Variants in SPRY3 observed in about 807,000 individuals in gnomAD.
The protein encoded by SPRY3 is sprouty RTK signaling antagonist 3.
In SPRY3, 15 loss-of-function variants were observed where a neutral mutation model predicts 20.2. The observed-to-expected ratio is 0.74, with a 90% CI of 0.50 to 1.14. The LOEUF is 1.14. Among genes scored for constraint, SPRY3 ranks in the 50% most tolerant of loss-of-function variants. The probability of loss-of-function intolerance (pLI) is 0.00; values close to 1 mark genes in which losing one functional copy is unlikely to be tolerated. For synonymous variants in SPRY3, 143 were observed against 136.5 expected, an observed-to-expected ratio of 1.05 and a Z score of -0.33; for missense variants, 364 against 363.9, an observed-to-expected ratio of 1.00 and a Z score of 0.00.
At chrX:155,718,381 G>A (rs1284411971) in intron 2 of SPRY3, among the ~76,000 whole-genome samples, 9 of 151,994 alleles carry the variant, frequency 5.9e-5, no homozygotes, top group Admixed American at 6.6e-5. Flanking sequence ...TAATTTTTGT[G>A]TTAATTATAA....
intron 2 of SPRY3, 63 bp from the exon 2 acceptor site, chrX:155,767,899 C>T (rs971439413): frequency 2.6e-5 from 4 of 151,174 alleles, no homozygotes; most frequent in Admixed American, 6.6e-5. Flanking sequence ...GCCCCCTCCC[C>T]CGTTTTTTTG....
At chrX:155,659,153 T>TTCTTTCTTTCTC (rs2068002217) in intron 2 of SPRY3, among the ~76,000 whole-genome samples, 2 of 106,360 alleles carry the variant, frequency 1.9e-5, no homozygotes, top group African/African-American at 7.0e-5. Context: ...CTTTCTTTCT[T>TTCTTTCTTTCTC]TCTTTTTTTG....
intron 2 of SPRY3, chrX:155,767,669 AG>A (rs2091342857): frequency 2.5e-5 from 3 of 122,068 alleles, no homozygotes; most frequent in South Asian, 3.0e-4. Flanking sequence ...GAGGAGGAGA[AG>A]GGGGAGGAGA....
intron 2 of SPRY3, among the ~76,000 whole-genome samples, chrX:155,746,966 C>T (rs2091230287): frequency 6.6e-6 from 1 of 151,814 alleles, no homozygotes; most frequent in South Asian, 2.1e-4. Context: ...TTATTGTCTC[C>T]TCTTGGCTCC....
intron 3 of SPRY3, among the ~76,000 whole-genome samples, chrX:155,773,129 C>G (rs923888277): frequency 5.9e-5 from 9 of 151,468 alleles, no homozygotes; most frequent in Non-Finnish European, 8.8e-5. Flanking sequence ...TCTTGGGAAG[C>G]CTTTTTTTTT....
intron 2 of SPRY3, among the ~76,000 whole-genome samples, chrX:155,735,567 T>A (rs774797070): frequency 6.7e-4 from 102 of 152,166 alleles, no homozygotes; most frequent in African/African-American, 2.2e-3. Context: ...TAATGGCCAT[T>A]TTTATCCCTG....
intron 2 of SPRY3, among the ~76,000 whole-genome samples, chrX:155,680,145 GGTGTGTGTGTGTGTGT>G (rs774435204): frequency 4.5e-4 from 32 of 70,406 alleles, no homozygotes; most frequent in Middle Eastern, 8.1e-3. Context: ...AAGCAATGCT[GGTGTGTGTGTGTGTGT>G]GTGTGTGTGT....
intron 2 of SPRY3, among the ~76,000 whole-genome samples, chrX:155,730,030 A>C (rs2091123105): frequency 6.6e-6 from 1 of 152,134 alleles, no homozygotes; most frequent in African/African-American, 2.4e-5. Flanking sequence ...TGAACAGACC[A>C]GTAGCAAGTA....
chrX:155,735,458 G>A (rs1321037121), intron 2 of SPRY3, among the ~76,000 whole-genome samples: 1 of 151,964 alleles, frequency 6.6e-6, no homozygotes, highest in African/African-American at 2.4e-5. Flanking sequence ...ATTTCTTGCA[G>A]TTCTATCAGT....
intron 2 of SPRY3, among the ~76,000 whole-genome samples, chrX:155,723,484 G>C (rs779592026): frequency 6.6e-6 from 1 of 151,988 alleles, no homozygotes; most frequent in African/African-American, 2.4e-5. Context: ...TCTAACTGGC[G>C]TGAGATGGTA....
chrX:155,620,681 G>A (rs1484108323), intron 1 of SPRY3, among the ~76,000 whole-genome samples: 1 of 111,560 alleles, frequency 9.0e-6, no homozygotes, highest in Non-Finnish European at 1.9e-5. Context: ...CAGAGGAGTT[G>A]TGTATTTACT....
chrX:155,643,628 G>T (rs782068802), intron 1 of SPRY3, among the ~76,000 whole-genome samples: 2 of 109,743 alleles, frequency 1.8e-5, no homozygotes, highest in East Asian at 5.7e-4. Context: ...TGTGTCCATT[G>T]TATGGTTTTG....
At chrX:155,728,484 G>T (rs1411821592) in intron 2 of SPRY3, among the ~76,000 whole-genome samples, 1 of 152,164 alleles carries the variant, frequency 6.6e-6, no homozygotes, top group Non-Finnish European at 1.5e-5. Context: ...GAACTTCCCA[G>T]TCGCTTTGTT....
chrX:155,722,302 A>T (rs1432796346), intron 2 of SPRY3, among the ~76,000 whole-genome samples: 1 of 152,130 alleles, frequency 6.6e-6, no homozygotes, highest in African/African-American at 2.4e-5. Flanking sequence ...GCGGCGGATC[A>T]CTTGAGGTCA....
At chrX:155,759,618 G>GCTGTC (rs2091296503) in intron 2 of SPRY3, among the ~76,000 whole-genome samples, 1 of 151,974 alleles carries the variant, frequency 6.6e-6, no homozygotes, top group Non-Finnish European at 1.5e-5. Flanking sequence ...CTGGTACAAA[G>GCTGTC]CTGTCCCTCA....
intron 3 of SPRY3, among the ~76,000 whole-genome samples, chrX:155,770,922 A>C (rs2091376731): frequency 6.6e-6 from 1 of 152,102 alleles, no homozygotes; most frequent in Admixed American, 6.5e-5. Flanking sequence ...ATTTATTGTC[A>C]TTCAATCCTT....
intron 2 of SPRY3, among the ~76,000 whole-genome samples, chrX:155,721,088 A>T (rs1294531614): frequency 1.2e-4 from 18 of 152,220 alleles, no homozygotes; most frequent in Non-Finnish European, 4.4e-5. Flanking sequence ...CTTAACACAG[A>T]TATTGAAATA....
exon 4 of SPRY3, chrX:155,776,369 A>G (rs1428396867): frequency 2.4e-5 from 4 of 167,252 alleles, no homozygotes; most frequent in South Asian, 2.1e-4. Context: ...TTTGTCTGCA[A>G]TGGCAGCTGC....
At chrX:155,726,770 A>T (rs2091100857) in intron 2 of SPRY3, among the ~76,000 whole-genome samples, 1 of 152,112 alleles carries the variant, frequency 6.6e-6, no homozygotes, top group African/African-American at 2.4e-5. Context: ...TTGACTCTTT[A>T]TCCAATTTGC....
Sources: gnomAD v4.1 joint callset for allele counts (sites outside exome capture counted in the v4.1 genomes callset) on GRCh38, gnomAD v4.1.1 for gene constraint, MANE v1.5 for transcripts, NCBI Gene and HGNC (gene_info 2026-07-23, HGNC 2026-07-21) for gene names.